The following DACH2 variants were observed in gnomAD, a reference collection of about 807,000 sequenced individuals.
DACH2 encodes dachshund homolog 2.
A neutral mutation model predicts 35.8 loss-of-function variants in DACH2; 17 were observed. The observed-to-expected ratio is 0.48, with a 90% CI of 0.33 to 0.71. The LOEUF (loss-of-function observed/expected upper bound fraction) is 0.71, where lower values mean the gene tolerates loss of function less well. Among genes scored for constraint, DACH2 ranks in the 30% least tolerant of loss-of-function variants. The pLI, the probability that DACH2 is intolerant of heterozygous loss-of-function variation, is 0.02. For synonymous variants in DACH2, 195 were observed against 177.3 expected, an observed-to-expected ratio of 1.10 and a Z score of -0.79; for missense variants, 469 against 472.7, an observed-to-expected ratio of 0.99 and a Z score of 0.07.
At chrX:86,471,490 A>T (rs1472214465) in intron 2 of DACH2, among the ~76,000 whole-genome samples, 1 of 111,376 alleles carries the variant, frequency 9.0e-6, no homozygotes, top group African/African-American at 3.3e-5. Flanking sequence ...GCAATTAGGA[A>T]TTTACTGCAG....
chrX:86,679,614 CTCTGTG>C (rs1439776207), intron 4 of DACH2, among the ~76,000 whole-genome samples: 2 of 85,107 alleles, frequency 2.3e-5, no homozygotes, highest in Non-Finnish European at 4.5e-5. Flanking sequence ...CTCTCTCTGT[CTCTGTG>C]TGTGTGTGTG....
chrX:86,294,897 A>T (rs1327116190), intron 1 of DACH2, among the ~76,000 whole-genome samples: 1 of 110,389 alleles, frequency 9.1e-6, no homozygotes, highest in Non-Finnish European at 1.9e-5. Context: ...CTGCCCCCAG[A>T]GGTGGAGCCT....
At chrX:86,153,155 A>G (rs1254217334) in intron 1 of DACH2, among the ~76,000 whole-genome samples, 1 of 111,274 alleles carries the variant, frequency 9.0e-6, no homozygotes, top group African/African-American at 3.3e-5. Flanking sequence ...TTAGAGTTAA[A>G]TGGGTGCTTG....
intron 7 of DACH2, chrX:86,799,026 T>G (rs2042266109): frequency 3.8e-6 from 1 of 266,073 alleles, no homozygotes; most frequent in Middle Eastern, 1.3e-3. Context: ...GTTCAGAATT[T>G]GCAGATTTTA....
At chrX:86,478,602 C>A (rs2037887097) in intron 2 of DACH2, among the ~76,000 whole-genome samples, 1 of 97,779 alleles carries the variant, frequency 1.0e-5, no homozygotes, top group African/African-American at 3.8e-5. Context: ...CTTTTAGGAT[C>A]CTTTCTTTAT....
intron 2 of DACH2, among the ~76,000 whole-genome samples, chrX:86,416,449 C>A (rs1478540841): frequency 1.8e-5 from 2 of 111,792 alleles, no homozygotes; most frequent in African/African-American, 3.3e-5. Context: ...TGTGTGTGGG[C>A]ACACACATTT....
intron 2 of DACH2, among the ~76,000 whole-genome samples, chrX:86,401,501 C>T (rs988371605): frequency 1.8e-5 from 2 of 111,876 alleles, no homozygotes; most frequent in African/African-American, 6.5e-5. Context: ...GGAGCTGTTC[C>T]TATTTGGCCA....
chrX:86,740,794 C>T (rs901832384), intron 7 of DACH2, among the ~76,000 whole-genome samples: 8 of 109,528 alleles, frequency 7.3e-5, no homozygotes, highest in East Asian at 2.9e-4. Flanking sequence ...GATTATTGAG[C>T]GGTGAAATGA....
At chrX:86,191,391 C>T (rs1423223346) in intron 1 of DACH2, among the ~76,000 whole-genome samples, 1 of 111,577 alleles carries the variant, frequency 9.0e-6, no homozygotes, top group Non-Finnish European at 1.9e-5. Context: ...AAACCAAATA[C>T]TGCATGTTCT....
At chrX:86,628,023 G>A (rs923990001) in intron 3 of DACH2, among the ~76,000 whole-genome samples, 7 of 112,068 alleles carry the variant, frequency 6.2e-5, no homozygotes, top group Admixed American at 2.8e-4. Context: ...TTCTAGAGAA[G>A]CATACTTACC....
rs72633151 is a variant in DACH2, at chrX:86,459,244, C to G, written c.528-55035C>G. The stretch of plus-strand genomic sequence containing the variant: ...ATGACAAACTAGTTTCCATGTTAAG[C>G]CTAAGTTGTGCATTGGGACAGATAT... On this transcript the variant is annotated intron_variant, in intron 2 of 11. Coordinates refer to ENST00000373125, the MANE Select transcript of DACH2 (RefSeq NM_053281.3). Among the ~76,000 whole-genome samples the G allele has an allele frequency of 3.0e-4, 33 of 111,145 alleles. No homozygotes were observed. The East Asian group carries it at 8.8e-3, about 30-fold the overall frequency.
intron 1 of DACH2, among the ~76,000 whole-genome samples, chrX:86,271,606 A>G (rs1207288412): frequency 9.0e-6 from 1 of 111,457 alleles, no homozygotes; most frequent in Non-Finnish European, 1.9e-5. Context: ...GAATTTGGTG[A>G]CGGTAGAAGC....
intron 5 of DACH2, among the ~76,000 whole-genome samples, chrX:86,706,316 GAAAT>G (rs1288703543): frequency 9.0e-6 from 1 of 111,148 alleles, no homozygotes; most frequent in African/African-American, 3.3e-5. Context: ...GTGGATAAGT[GAAAT>G]AAATGAGAGC....
rs1335928510 is a variant in DACH2, at chrX:86,315,836, C to CAG, written c.489-60987_489-60986insGA. Reference sequence around the variant, plus strand: ...ACACACACACACACACACACACACACACACAGAGAGAGAGAGGGAGATTGG... The same window carrying CAG: ...ACACACACACACACACACACACACACAGACACAGAGAGAGAGAGGGAGATTGG... On this transcript the variant is annotated intron_variant, in intron 1 of 11. Transcript: ENST00000373125. Among the ~76,000 whole-genome samples the CAG allele has an allele frequency of 2.6e-3, 202 of 78,007 alleles. 3 individuals are homozygous for CAG. Among genetic ancestry groups the CAG allele is most frequent in the African/African-American group, 8.8e-3 (163 of 18,536 alleles). The allele number at this position is 78,007 out of a possible 115,157, so 67.7% of individuals were successfully genotyped here. A position where few individuals can be genotyped will look rare whatever the true frequency, so the allele number is the denominator to read the frequency against.
At chrX:86,279,242 T>A (rs2033977671) in intron 1 of DACH2, among the ~76,000 whole-genome samples, 1 of 111,945 alleles carries the variant, frequency 8.9e-6, no homozygotes, top group Non-Finnish European at 1.9e-5. Flanking sequence ...CTGTGCCTCC[T>A]GACAGGGAGA....
At chrX:86,687,574 G>C (rs191219028) in intron 4 of DACH2, among the ~76,000 whole-genome samples, 10 of 111,498 alleles carry the variant, frequency 9.0e-5, no homozygotes, top group Admixed American at 7.7e-4. Context: ...AACATTCTAT[G>C]ATAAAGACAC....
At position 86,667,609 on chromosome X, in the gene DACH2, A is replaced by G. The variant is rs199662601; in HGVS notation, c.772+16442A>G. On this transcript the variant is annotated intron_variant, in intron 4 of 11. Coordinates refer to ENST00000373125, the MANE Select transcript of DACH2 (RefSeq NM_053281.3). ...GAAAGAAAGAAAGAAAGAAAGAAAG[A>G]AAGAAAGGCAGGCAGGCCCTGGTCT... is the stretch of plus-strand genomic sequence containing the variant. Among the ~76,000 whole-genome samples the G allele has an allele frequency of 5.5e-3, 530 of 95,760 alleles. 3 individuals carry two copies. Among genetic ancestry groups the G allele is most frequent in the African/African-American group, 9.8e-3 (242 of 24,726 alleles). The allele number at this position is 95,760 out of a possible 115,157, so 83.2% of individuals were successfully genotyped here.
At chrX:86,463,278 T>C (rs1475261097) in intron 2 of DACH2, among the ~76,000 whole-genome samples, 1 of 101,287 alleles carries the variant, frequency 9.9e-6, no homozygotes, top group Non-Finnish European at 2.1e-5. Flanking sequence ...TGCTTGTCCA[T>C]TGATTAATCT....
intron 2 of DACH2, among the ~76,000 whole-genome samples, chrX:86,492,720 C>T: frequency 9.0e-6 from 1 of 111,722 alleles, no homozygotes; most frequent in Admixed American, 9.6e-5. Flanking sequence ...TTTTCTGTCC[C>T]TGTGTTAATT....
Sources: allele counts gnomAD v4.1 joint callset (sites outside exome capture counted in the v4.1 genomes callset), GRCh38; gene constraint gnomAD v4.1.1; transcripts MANE v1.5; gene names NCBI Gene and HGNC (gene_info 2026-07-23, HGNC 2026-07-21).